MSRA: variants seen among roughly 807,000 people sequenced by gnomAD.
The protein encoded by MSRA is methionine sulfoxide reductase A.
A neutral mutation model predicts 31.3 loss-of-function variants in MSRA; 54 were observed. The observed-to-expected ratio is 1.73, with a 90% CI of 1.39 to 2.17. The LOEUF is 2.17. Among genes scored for constraint, MSRA ranks in the 30% most tolerant of loss-of-function variants. MSRA has a pLI of 0.00. For missense variants in MSRA, 507 were observed against 300.9 expected (o/e 1.69, Z -5.07); for synonymous variants, 169 against 116.5 (o/e 1.45, Z -2.90).
At chr8:10,398,821 T>A (rs1464193882) in intron 5 of MSRA, among the ~76,000 whole-genome samples, 1 of 152,240 alleles carries the variant, frequency 6.6e-6, no homozygotes, top group East Asian at 1.9e-4. Flanking sequence ...AAGAGTTGTC[T>A]TGTTCTTAAG....
chr8:10,063,890 C>A (rs887910672), intron 1 of MSRA, among the ~76,000 whole-genome samples: 2 of 152,136 alleles, frequency 1.3e-5, no homozygotes, highest in African/African-American at 4.8e-5. Context: ...TCCTTGCAGC[C>A]CTGTCTAAAA....
At chr8:10,162,637 A>C (rs537969258) in intron 1 of MSRA, among the ~76,000 whole-genome samples, 6 of 152,208 alleles carry the variant, frequency 3.9e-5, no homozygotes, top group African/African-American at 1.4e-4. Flanking sequence ...GTGCCTTACT[A>C]TTTTACTATA....
At chr8:10,110,647 G>A (rs1800211337) in intron 1 of MSRA, among the ~76,000 whole-genome samples, 1 of 152,248 alleles carries the variant, frequency 6.6e-6, no homozygotes, top group South Asian at 2.1e-4. Context: ...TCATCTCCTT[G>A]GCAGGATCTG....
At chr8:10,116,700 G>A (rs1800709763) in intron 1 of MSRA, among the ~76,000 whole-genome samples, 1 of 152,142 alleles carries the variant, frequency 6.6e-6, no homozygotes, top group African/African-American at 2.4e-5. Context: ...GAGATTACAG[G>A]CTCATGCCTG....
intron 3 of MSRA, among the ~76,000 whole-genome samples, chr8:10,287,664 C>G (rs1162621424): frequency 6.6e-6 from 1 of 152,096 alleles, no homozygotes; most frequent in Admixed American, 6.6e-5. Flanking sequence ...GGCTTTGTTT[C>G]CCTCATAAGT....
chr8:10,242,066 G>A (rs1797358404), intron 2 of MSRA, among the ~76,000 whole-genome samples: 1 of 152,202 alleles, frequency 6.6e-6, no homozygotes, highest in African/African-American at 2.4e-5. Flanking sequence ...GAGGTCAGGA[G>A]TTCGAGACCA....
chr8:10,155,346 G>A (rs1036976077), intron 1 of MSRA, among the ~76,000 whole-genome samples: 1 of 152,164 alleles, frequency 6.6e-6, no homozygotes, highest in Non-Finnish European at 1.5e-5. Context: ...CTGGATTTGA[G>A]TTGAAAGTAT....
intron 1 of MSRA, among the ~76,000 whole-genome samples, chr8:10,130,337 C>T (rs779420980): frequency 7.2e-5 from 11 of 152,136 alleles, no homozygotes; most frequent in Non-Finnish European, 1.0e-4. Flanking sequence ...CCCTGTGCCC[C>T]GACTAATGGT....
chr8:10,239,553 T>C (rs1307455084), intron 2 of MSRA, among the ~76,000 whole-genome samples: 1 of 152,234 alleles, frequency 6.6e-6, no homozygotes, highest in Non-Finnish European at 1.5e-5. Flanking sequence ...GAGATCCTCC[T>C]ACACTGCTTA....
chr8:10,296,463 C>G (rs561217073), intron 3 of MSRA, among the ~76,000 whole-genome samples: 1 of 152,240 alleles, frequency 6.6e-6, no homozygotes, highest in East Asian at 1.9e-4. Flanking sequence ...ATTTTATTCC[C>G]ATCTAAAAAA....
chr8:10,160,749 T>G (rs1804567594), intron 1 of MSRA, among the ~76,000 whole-genome samples: 1 of 151,466 alleles, frequency 6.6e-6, no homozygotes, highest in South Asian at 2.1e-4. Context: ...AGGCAGATCT[T>G]GAACTCCTGA....
intron 2 of MSRA, among the ~76,000 whole-genome samples, chr8:10,234,057 C>G (rs1811727042): frequency 6.6e-6 from 1 of 152,070 alleles, no homozygotes; most frequent in African/African-American, 2.4e-5. Context: ...CCCAGCTAAA[C>G]TTACATTCGA....
chr8:10,318,733 T>C (rs531476247), intron 4 of MSRA, among the ~76,000 whole-genome samples: 1 of 152,196 alleles, frequency 6.6e-6, no homozygotes, highest in Non-Finnish European at 1.5e-5. Context: ...GTTGGTTCTT[T>C]CTTCTAGGTT....
At chr8:10,370,705 C>G (rs187089810) in intron 5 of MSRA, among the ~76,000 whole-genome samples, 4 of 152,190 alleles carry the variant, frequency 2.6e-5, no homozygotes, top group Non-Finnish European at 4.4e-5. Flanking sequence ...CGTTACATAC[C>G]TGGAATATCA....
chr8:10,245,082 T>G (rs559839502), intron 2 of MSRA, 22 bp from the exon 3 acceptor site: 1 of 1,608,420 alleles, frequency 6.2e-7, no homozygotes, highest in Non-Finnish European at 8.5e-7. Context: ...GTATCCTTTT[T>G]TTTTCTTTTT....
chr8:10,299,066 A>G (rs1563324233), intron 3 of MSRA, among the ~76,000 whole-genome samples: 1 of 152,200 alleles, frequency 6.6e-6, no homozygotes, highest in Non-Finnish European at 1.5e-5. Context: ...GATGCTTCTA[A>G]GCAATTTTAT....
At chr8:10,236,805 C>A (rs1563253076) in intron 2 of MSRA, among the ~76,000 whole-genome samples, 1 of 152,184 alleles carries the variant, frequency 6.6e-6, no homozygotes, top group Non-Finnish European at 1.5e-5. Context: ...CTCGGCCTTC[C>A]AGAATGCTGA....
intron 1 of MSRA, among the ~76,000 whole-genome samples, chr8:10,188,953 T>G (rs1445456895): frequency 1.3e-5 from 2 of 152,226 alleles, no homozygotes; most frequent in East Asian, 3.8e-4. Context: ...ACAGATTAAT[T>G]TGGAAGATAA....
At chr8:10,095,404 G>C (rs1799086014) in intron 1 of MSRA, 1 of 889,692 alleles carries the variant, frequency 1.1e-6, no homozygotes, top group African/African-American at 1.8e-5. Flanking sequence ...GTTGGTGCCA[G>C]GATTTGGGTA....
Sources: allele counts gnomAD v4.1 joint callset (sites outside exome capture counted in the v4.1 genomes callset), GRCh38; gene constraint gnomAD v4.1.1; transcripts MANE v1.5; gene names NCBI Gene and HGNC (gene_info 2026-07-23, HGNC 2026-07-21).